Variants in PPFIA2 observed in about 807,000 individuals in gnomAD.
PPFIA2 encodes the protein liprin-alpha-2.
A neutral mutation model predicts 175.5 loss-of-function variants in PPFIA2; 46 were observed. The ratio of observed to expected loss-of-function variants is 0.26; its 90% CI spans 0.21 to 0.34. The LOEUF is 0.34. PPFIA2 is among the 10% of genes least tolerant of loss of function. PPFIA2 has a pLI of 1.00. For missense variants in PPFIA2, 1,179 were observed against 1,506.1 expected (o/e 0.78, Z 3.60); for synonymous variants, 568 against 511.4 (o/e 1.11, Z -1.49).
At chr12:81,700,687 A>T (rs2076386717) in intron 3 of PPFIA2, among the ~76,000 whole-genome samples, 1 of 152,152 alleles carries the variant, frequency 6.6e-6, no homozygotes, top group Non-Finnish European at 1.5e-5. Flanking sequence ...GAAGGATAAA[A>T]AAATAAAATG....
rs2136149037 is a variant in PPFIA2 at position 81,263,405 on chromosome 12, A to T, written c.3556-15T>A. 2 of 1,607,868 alleles carry T rather than the reference A, an allele frequency of 1.2e-6. No homozygotes were observed. Among genetic ancestry groups the T allele is most frequent in the Non-Finnish European group, 1.7e-6 (2 of 1,174,950 alleles). On this transcript the variant is annotated splice_polypyrimidine_tract_variant and intron_variant, in intron 30 of 32. Transcript: ENST00000549396. ...TTGTCATCACTCTGCCAGTACAGTTATAAGGTGATGTTATGAAAACAAGTA... is the reference window on the plus strand; with the variant it reads ...TTGTCATCACTCTGCCAGTACAGTTTTAAGGTGATGTTATGAAAACAAGTA...
intron 7 of PPFIA2, among the ~76,000 whole-genome samples, chr12:81,407,635 G>A (rs937809832): frequency 2.0e-5 from 3 of 151,992 alleles, no homozygotes; most frequent in Non-Finnish European, 4.4e-5. Context: ...TTGCTTCAGC[G>A]ACACTGGCCT....
At chr12:81,298,443 T>C (rs1410841822) in intron 23 of PPFIA2, 1 of 152,234 alleles carries the variant, frequency 6.6e-6, no homozygotes, top group African/African-American at 2.4e-5. Flanking sequence ...CTGGCTATAA[T>C]AAAATGAAGA....
At chr12:81,574,356 G>A (rs1482482063) in intron 4 of PPFIA2, among the ~76,000 whole-genome samples, 1 of 151,654 alleles carries the variant, frequency 6.6e-6, no homozygotes, top group Non-Finnish European at 1.5e-5. Flanking sequence ...AAAATTACAT[G>A]AAACATTATT....
At chr12:81,503,986 A>T (rs530746438) in intron 4 of PPFIA2, among the ~76,000 whole-genome samples, 1 of 152,086 alleles carries the variant, frequency 6.6e-6, no homozygotes, top group Non-Finnish European at 1.5e-5. Context: ...GCAAAACAAT[A>T]TATTTAAAAT....
At chr12:81,273,586 G>A (rs1287031647) in intron 28 of PPFIA2, among the ~76,000 whole-genome samples, 1 of 152,066 alleles carries the variant, frequency 6.6e-6, no homozygotes, top group African/African-American at 2.4e-5. Flanking sequence ...AAATTAGTTG[G>A]TGTCCTTTCT....
intron 4 of PPFIA2, among the ~76,000 whole-genome samples, chr12:81,474,318 A>G (rs2146414559): frequency 6.6e-6 from 1 of 152,150 alleles, no homozygotes; most frequent in Admixed American, 6.5e-5. Flanking sequence ...CGCCAAGCAC[A>G]GCTAATTTTT....
chr12:81,626,125 G>T (rs913227678), intron 4 of PPFIA2, among the ~76,000 whole-genome samples: 1 of 151,270 alleles, frequency 6.6e-6, no homozygotes, highest in Non-Finnish European at 1.5e-5. Context: ...ATCAATTCAT[G>T]CTGTTATTTA....
chr12:81,613,664 T>G (rs570861053), intron 4 of PPFIA2, among the ~76,000 whole-genome samples: 99 of 152,250 alleles, frequency 6.5e-4, no homozygotes, highest in African/African-American at 2.3e-3. Flanking sequence ...AGCCACAGTT[T>G]AAGAGATAAT....
intron 4 of PPFIA2, among the ~76,000 whole-genome samples, chr12:81,549,820 A>G (rs1001547940): frequency 6.6e-6 from 1 of 151,814 alleles, no homozygotes; most frequent in African/African-American, 2.4e-5. Context: ...CTGGCTGGTC[A>G]TTTTCCTGCT....
intron 17 of PPFIA2, 60 bp from the exon 18 acceptor site, chr12:81,347,830 G>A: frequency 6.4e-7 from 1 of 1,567,124 alleles, no homozygotes; most frequent in Non-Finnish European, 8.6e-7. Flanking sequence ...ATTATATGCT[G>A]CTGTAAGGAT....
intron 3 of PPFIA2, among the ~76,000 whole-genome samples, chr12:81,690,212 A>T (rs2075057457): frequency 6.6e-6 from 1 of 152,108 alleles, no homozygotes; most frequent in Non-Finnish European, 1.5e-5. Flanking sequence ...CAATATTAAA[A>T]TTGGAATCTT....
chr12:81,372,490 A>C (rs986261701), intron 11 of PPFIA2, among the ~76,000 whole-genome samples: 35 of 149,142 alleles, frequency 2.3e-4, no homozygotes, highest in South Asian at 4.2e-4. Flanking sequence ...ATAATAAGGA[A>C]ATATCAGAAA....
intron 4 of PPFIA2, among the ~76,000 whole-genome samples, chr12:81,657,711 T>G (rs1399267197): frequency 6.6e-6 from 1 of 152,208 alleles, no homozygotes; most frequent in African/African-American, 2.4e-5. Flanking sequence ...AGCTAGCTTT[T>G]GTAATTGCTA....
intron 3 of PPFIA2, among the ~76,000 whole-genome samples, chr12:81,711,926 C>T (rs1320161836): frequency 2.0e-5 from 3 of 150,178 alleles, no homozygotes; most frequent in Non-Finnish European, 4.4e-5. Context: ...TCTTATACTT[C>T]TGATACAATG....
chr12:81,565,123 G>A (rs886719265), intron 4 of PPFIA2, among the ~76,000 whole-genome samples: 1 of 152,130 alleles, frequency 6.6e-6, no homozygotes, highest in East Asian at 1.9e-4. Context: ...CCCATCCCCA[G>A]TAGTGGTAAC....
chr12:81,422,897 T>C (rs1345868052), intron 7 of PPFIA2, among the ~76,000 whole-genome samples: 1 of 151,934 alleles, frequency 6.6e-6, no homozygotes. Flanking sequence ...TGCCCCTGGT[T>C]CCCAAAATTA....
At chr12:81,272,487 CTT>C (rs1425658049) in intron 28 of PPFIA2, among the ~76,000 whole-genome samples, 1 of 152,082 alleles carries the variant, frequency 6.6e-6, no homozygotes, top group Admixed American at 6.6e-5. Flanking sequence ...CAATTTAAGT[CTT>C]TATACTTTTC....
intron 8 of PPFIA2, among the ~76,000 whole-genome samples, chr12:81,388,952 T>TTA (rs113062503): frequency 1.5e-3 from 220 of 148,522 alleles, no homozygotes; most frequent in Non-Finnish European, 1.8e-3. Context: ...CCACACACCA[T>TTA]TATATATATA....
Sources: gnomAD v4.1 joint callset for allele counts (sites outside exome capture counted in the v4.1 genomes callset) on GRCh38, gnomAD v4.1.1 for gene constraint, MANE v1.5 for transcripts, NCBI Gene and HGNC (gene_info 2026-07-23, HGNC 2026-07-21) for gene names.